PHF2: variants seen among roughly 807,000 people sequenced by gnomAD.
PHF2 encodes the protein lysine-specific demethylase PHF2.
Under a neutral mutation model 120.5 loss-of-function variants are expected in PHF2, and 27 were observed. The observed-to-expected ratio is 0.22, with a 90% CI of 0.17 to 0.31. The LOEUF is 0.31. Among genes scored for constraint, PHF2 ranks in the 10% least tolerant of loss-of-function variants. PHF2 has a pLI of 1.00. For synonymous variants in PHF2, 568 were observed against 592.5 expected (o/e 0.96, Z 0.60); for missense variants, 1,024 against 1,434.8 (o/e 0.71, Z 4.63).
At position 93,665,744 on chromosome 9, in the gene PHF2, A is replaced by G; in HGVS notation, c.1996A>G (p.Lys666Glu). 1 of 1,614,070 alleles carries G rather than the reference A, an allele frequency of 6.2e-7. No individual in the cohort carries two copies. The highest frequency in any genetic ancestry group is 8.5e-7 in the Non-Finnish European group (1 of 1,180,022). ...TGTGTTCGGGGCCTTGCAGAACTTCAAGGAGGACAAGCCCAAGCCCGTGCG... is the reference window on the plus strand; with the variant it reads ...TGTGTTCGGGGCCTTGCAGAACTTCGAGGAGGACAAGCCCAAGCCCGTGCG... ...PGVFGALQNF[K>E]EDKPKPVRDE... Residue 666 changes from lysine (K) to glutamate (E), a missense_variant, in exon 15 of 22, where the codon AAG (lysine) becomes GAG (glutamate). By Grantham distance (56) the Lys-to-Glu change is moderately conservative (BLOSUM62 1). Transcript: ENST00000359246.
At chr9:93,607,678 T>G (rs1825565305) in intron 1 of PHF2, among the ~76,000 whole-genome samples, 1 of 152,166 alleles carries the variant, frequency 6.6e-6, no homozygotes, top group Non-Finnish European at 1.5e-5. Context: ...GAACATGGAA[T>G]ATCTCTCCAT....
At chr9:93,645,553 C>T (rs1428511223) in intron 3 of PHF2, 76 bp from the exon 4 acceptor site, 5 of 1,428,798 alleles carry the variant, frequency 3.5e-6, no homozygotes, top group African/African-American at 1.4e-5. Context: ...TCTCCAGCAC[C>T]GAGGCCCTGT....
rs117188935 is a variant in PHF2, at chr9:93,628,517, A to G, written c.99-1453A>G. ...CAGGTTATGTAATTTATTGACCTAT[A>G]ATTTTTCATAGTATTCTGTTATAAT... On this transcript the variant is annotated intron_variant, in intron 1 of 21. Coordinates refer to ENST00000359246, the MANE Select transcript of PHF2 (RefSeq NM_005392.4). Among the ~76,000 whole-genome samples the G allele has an allele frequency of 6.1e-4, 93 of 152,300 alleles. 1 individual carries two copies. The East Asian group carries it at 0.017, about 28-fold the overall frequency.
chr9:93,660,284 T>C lies in PHF2; in HGVS notation c.1422T>C (p.Ser474=), dbSNP rs775602376. The change falls in exon 12 of 22, where the codon TCT becomes TCC. Residue 474 remains serine, a synonymous_variant. Coordinates refer to ENST00000359246, the MANE Select transcript of PHF2 (RefSeq NM_005392.4). ...ACCGGGAGAAGGAGGAGCCCCCGTC[T>C]CCCATTGAGGCCACCCCGCCTCAAT... The part of the protein sequence containing the change: ...DGDREKEEPP[S]PIEATPPQSL... The C allele has an allele frequency of 5.6e-6, 9 of 1,609,642 alleles. No individual in the cohort carries two copies. The East Asian group carries it at 1.8e-4, about 32-fold the overall frequency.
intron 1 of PHF2, among the ~76,000 whole-genome samples, chr9:93,589,264 CTAA>C (rs1330555120): frequency 6.6e-6 from 1 of 152,232 alleles, no homozygotes; most frequent in African/African-American, 2.4e-5. Flanking sequence ...GGAAACCTTT[CTAA>C]TAATTGAAAC....
intron 14 of PHF2, among the ~76,000 whole-genome samples, chr9:93,664,077 T>C (rs1193365499): frequency 6.6e-6 from 1 of 152,140 alleles, no homozygotes; most frequent in Non-Finnish European, 1.5e-5. Context: ...AGGGAGGCCG[T>C]GGGACTCCAT....
At chr9:93,600,660 G>A (rs1341042207) in intron 1 of PHF2, among the ~76,000 whole-genome samples, 1 of 152,236 alleles carries the variant, frequency 6.6e-6, no homozygotes, top group African/African-American at 2.4e-5. Flanking sequence ...CTGGCATGTG[G>A]GAGGGCTGGG....
intron 1 of PHF2, among the ~76,000 whole-genome samples, chr9:93,598,788 T>G (rs1825379330): frequency 6.6e-6 from 1 of 152,170 alleles, no homozygotes; most frequent in African/African-American, 2.4e-5. Flanking sequence ...GGCCCTTGTT[T>G]CTTTAAAATT....
At chr9:93,663,468 C>A in intron 13 of PHF2, 49 bp from the exon 14 acceptor site, 4 of 1,154,994 alleles carry the variant, frequency 3.5e-6, no homozygotes, top group Non-Finnish European at 3.8e-6. Flanking sequence ...GGGTCCTGAC[C>A]CCCCACTTCT....
chr9:93,657,243 C>T (rs1372571128), intron 9 of PHF2, among the ~76,000 whole-genome samples: 1 of 152,132 alleles, frequency 6.6e-6, no homozygotes, highest in Non-Finnish European at 1.5e-5. Flanking sequence ...CTCTTAGTTG[C>T]TCTTTTTTGG....
At chr9:93,625,180 A>G (rs965297789) in intron 1 of PHF2, among the ~76,000 whole-genome samples, 14 of 152,182 alleles carry the variant, frequency 9.2e-5, no homozygotes, top group African/African-American at 3.4e-4. Context: ...GTCTCCATGG[A>G]TATACCTATT....
chr9:93,640,312 A>G (rs1397763171), intron 3 of PHF2, among the ~76,000 whole-genome samples: 3 of 152,034 alleles, frequency 2.0e-5, no homozygotes, highest in Admixed American at 1.3e-4. Flanking sequence ...TATATTCTCA[A>G]TATGCACATT....
intron 3 of PHF2, among the ~76,000 whole-genome samples, chr9:93,644,429 G>A (rs1347031670): frequency 2.4e-4 from 36 of 151,810 alleles, no homozygotes; most frequent in Admixed American, 2.4e-3. Flanking sequence ...CAGTGCTGCT[G>A]GTGTGCAAAG....
intron 1 of PHF2, among the ~76,000 whole-genome samples, chr9:93,625,779 C>G (rs943044962): frequency 5.3e-5 from 8 of 151,856 alleles, no homozygotes; most frequent in Admixed American, 2.0e-4. Flanking sequence ...TACACAGTAC[C>G]TATTCTTAAT....
In PHF2 at chr9:93,663,562, C is replaced by G. The variant is rs780897112; in HGVS notation, c.1864C>G (p.Leu622Val). The G allele has an allele frequency of 5.6e-6, 9 of 1,613,412 alleles. No individual in the cohort carries two copies. In the South Asian group the frequency reaches 8.8e-5, roughly 16 times the overall value. ...ACTGAAGATGGAAGAGGAGCAGAAG[C>G]TAGAGAAGTCGCCTCTAGCTGGAAA... ...SLLKMEEEQK[L>V]EKSPLAGNKD... Residue 622 changes from leucine to valine, a missense_variant, in exon 14 of 22, where the codon CTA becomes GTA. Physicochemically the swap from Leu to Val is conservative, Grantham distance 32. Around this residue, in one of 2 missense-constraint regions of PHF2, gnomAD observed 677 missense variants for 857.4 expected, o/e 0.79. Coordinates refer to ENST00000359246, the MANE Select transcript of PHF2 (RefSeq NM_005392.4).
At chr9:93,595,184 C>CA (rs911813797) in intron 1 of PHF2, among the ~76,000 whole-genome samples, 13 of 152,170 alleles carry the variant, frequency 8.5e-5, no homozygotes, top group Non-Finnish European at 1.9e-4. Context: ...TTAGTCATAA[C>CA]TATTCAGGTA....
chr9:93,587,407 C>T (rs115644717), intron 1 of PHF2, among the ~76,000 whole-genome samples: 1,862 of 133,860 alleles, frequency 0.014, 54 homozygotes, highest in African/African-American at 0.05. Flanking sequence ...GGAGGAGCCC[C>T]AGGTGAGGGA....
intron 1 of PHF2, among the ~76,000 whole-genome samples, chr9:93,607,710 A>G (rs1825566059): frequency 6.6e-6 from 1 of 152,144 alleles, no homozygotes; most frequent in East Asian, 1.9e-4. Context: ...TTTGATCTAC[A>G]TATTTTGTTA....
chr9:93,617,482 G>A (rs1007948262), intron 1 of PHF2, among the ~76,000 whole-genome samples: 3 of 152,194 alleles, frequency 2.0e-5, no homozygotes, highest in African/African-American at 7.2e-5. Context: ...CTTTCTTAGA[G>A]AGTAGACAGG....
Sources: gnomAD v4.1 joint callset for allele counts (sites outside exome capture counted in the v4.1 genomes callset) on GRCh38, gnomAD v4.1.1 for gene constraint, gnomAD v4.1.1 regional missense constraint, MANE v1.5 for transcripts, NCBI Gene and HGNC (gene_info 2026-07-23, HGNC 2026-07-21) for gene names.